CSMD1: variants seen among roughly 807,000 people sequenced by gnomAD.
CSMD1 encodes the protein CUB and Sushi multiple domains 1, also known as CUB and sushi domain-containing protein 1.
A neutral mutation model predicts 417.5 loss-of-function variants in CSMD1; 213 were observed. That is an observed-to-expected ratio of 0.51 (90% CI 0.46 to 0.57). The LOEUF is 0.57. CSMD1 is among the 20% of genes least tolerant of loss of function. The probability of loss-of-function intolerance (pLI) is 0.00; values close to 1 mark genes in which losing one functional copy is unlikely to be tolerated. For synonymous variants in CSMD1, 2,862 were observed against 1,736.8 expected (o/e 1.65, Z -16.11); for missense variants, 6,923 against 4,529.7 (o/e 1.53, Z -15.17).
At chr8:3,764,580 T>G (rs923069855) in intron 5 of CSMD1, among the ~76,000 whole-genome samples, 2 of 152,050 alleles carry the variant, frequency 1.3e-5, no homozygotes, top group African/African-American at 4.8e-5. Flanking sequence ...AGAGAGGATT[T>G]AAACTTCTCT....
intron 1 of CSMD1, among the ~76,000 whole-genome samples, chr8:4,933,585 C>T (rs13250626): frequency 0.31 from 47,211 of 151,908 alleles, 8,275 homozygotes; most frequent in Non-Finnish European, 0.41. Context: ...GGAAGTTTTG[C>T]AACAAGCCTC....
At chr8:4,453,743 T>C (rs1799293468) in intron 2 of CSMD1, among the ~76,000 whole-genome samples, 2 of 151,046 alleles carry the variant, frequency 1.3e-5, no homozygotes, top group South Asian at 4.2e-4. Context: ...CCAAACGTAA[T>C]TCCGGGTCCC....
intron 3 of CSMD1, among the ~76,000 whole-genome samples, chr8:4,080,088 A>C (rs1249977323): frequency 6.6e-6 from 1 of 151,010 alleles, no homozygotes; most frequent in Non-Finnish European, 1.5e-5. Flanking sequence ...CTCTGTCTCC[A>C]TGTTTGTGTT....
At chr8:4,983,077 T>C (rs1810985975) in intron 1 of CSMD1, among the ~76,000 whole-genome samples, 1 of 152,170 alleles carries the variant, frequency 6.6e-6, no homozygotes, top group Non-Finnish European at 1.5e-5. Context: ...TGCAAACATC[T>C]CAGATAACTT....
chr8:3,520,311 T>C (rs1404226797), intron 10 of CSMD1, among the ~76,000 whole-genome samples: 2 of 152,198 alleles, frequency 1.3e-5, no homozygotes, highest in African/African-American at 2.4e-5. Context: ...GTTGAAGAAC[T>C]GGCTTTGATA....
chr8:3,570,746 C>T (rs1421232437), intron 10 of CSMD1, among the ~76,000 whole-genome samples: 2 of 152,070 alleles, frequency 1.3e-5, no homozygotes, highest in Non-Finnish European at 2.9e-5. Flanking sequence ...AGAAAATAAC[C>T]TGTTCTTTCA....
At chr8:3,364,426 C>T (rs983093273) in intron 20 of CSMD1, among the ~76,000 whole-genome samples, 1 of 152,174 alleles carries the variant, frequency 6.6e-6, no homozygotes, top group Admixed American at 6.5e-5. Context: ...TGAATGTTTA[C>T]AGACTGTTAA....
intron 2 of CSMD1, among the ~76,000 whole-genome samples, chr8:4,513,109 T>C (rs1465911489): frequency 6.6e-6 from 1 of 152,186 alleles, no homozygotes; most frequent in Non-Finnish European, 1.5e-5. Flanking sequence ...CCCATAAAAT[T>C]GACAACAGCA....
At chr8:4,646,066 GGT>G (rs772425831) in intron 1 of CSMD1, among the ~76,000 whole-genome samples, 6 of 152,196 alleles carry the variant, frequency 3.9e-5, no homozygotes, top group African/African-American at 7.2e-5. Flanking sequence ...GCCTGAAACA[GGT>G]GACAATCTAA....
intron 34 of CSMD1, 76 bp from the exon 35 acceptor site, chr8:3,189,087 T>A: frequency 7.2e-7 from 1 of 1,385,026 alleles, no homozygotes; most frequent in Non-Finnish European, 9.8e-7. Flanking sequence ...TTTCTTTCAC[T>A]GTGTGACCAC....
intron 5 of CSMD1, among the ~76,000 whole-genome samples, chr8:3,919,140 C>T (rs1302500220): frequency 1.4e-5 from 2 of 141,812 alleles, no homozygotes; most frequent in Admixed American, 7.7e-5. Flanking sequence ...TTGACGTAGT[C>T]CCACTTCTTT....
At chr8:4,796,596 G>C (rs1026341384) in intron 1 of CSMD1, among the ~76,000 whole-genome samples, 1 of 151,832 alleles carries the variant, frequency 6.6e-6, no homozygotes, top group African/African-American at 2.4e-5. Context: ...GCAGACCTCG[G>C]CTCCAAGACC....
chr8:4,876,192 C>G (rs1336441609), intron 1 of CSMD1, among the ~76,000 whole-genome samples: 2 of 151,964 alleles, frequency 1.3e-5, no homozygotes, highest in African/African-American at 4.8e-5. Flanking sequence ...ATAAATTTAC[C>G]TAAATATGTA....
At chr8:4,239,532 C>G (rs1802267625) in intron 3 of CSMD1, among the ~76,000 whole-genome samples, 1 of 152,144 alleles carries the variant, frequency 6.6e-6, no homozygotes, top group African/African-American at 2.4e-5. Flanking sequence ...TTTGGTGGTT[C>G]CAAAGCAGTT....
intron 41 of CSMD1, among the ~76,000 whole-genome samples, chr8:3,136,904 A>C: frequency 1.3e-5 from 2 of 148,898 alleles, no homozygotes; most frequent in African/African-American, 2.4e-5. Flanking sequence ...TTTTTTTAAA[A>C]ATTTTTTTCT....
Position 4,378,892 on chromosome 8 carries a change from C to T in CSMD1, c.415+41061G>A, listed in dbSNP as rs143666405. Among the ~76,000 whole-genome samples the T allele has an allele frequency of 2.1e-3, 326 of 152,192 alleles. 3 individuals carry two copies. The highest frequency in any genetic ancestry group is 7.4e-3 in the African/African-American group (307 of 41,514). On this transcript the variant is annotated intron_variant, in intron 3 of 69. Coordinates refer to ENST00000635120, the MANE Select transcript of CSMD1 (RefSeq NM_033225.6). ...CAGCCCTTTCTCTAGTTGCTGAATC[C>T]GCAATGCTTGGGTCTTGGACTTCCC...
chr8:4,395,224 C>A (rs553914125), intron 3 of CSMD1, among the ~76,000 whole-genome samples: 2 of 152,328 alleles, frequency 1.3e-5, no homozygotes, highest in South Asian at 4.1e-4. Flanking sequence ...GGCTGGTTTT[C>A]TCCTCCCAAC....
At chr8:3,677,313 G>T (rs527245357) in intron 7 of CSMD1, among the ~76,000 whole-genome samples, 1 of 152,130 alleles carries the variant, frequency 6.6e-6, no homozygotes, top group Non-Finnish European at 1.5e-5. Flanking sequence ...GTAACAAAAT[G>T]ACTTAATAAC....
chr8:4,208,617 A>C (rs1489212408), intron 3 of CSMD1, among the ~76,000 whole-genome samples: 7 of 152,226 alleles, frequency 4.6e-5, no homozygotes, highest in African/African-American at 1.7e-4. Flanking sequence ...ATGAATATAG[A>C]GTCATAAAAC....
Sources: allele counts gnomAD v4.1 joint callset (sites outside exome capture counted in the v4.1 genomes callset), GRCh38; gene constraint gnomAD v4.1.1; transcripts MANE v1.5; gene names NCBI Gene and HGNC (gene_info 2026-07-23, HGNC 2026-07-21).